The following PDS5A variants were observed in gnomAD, a reference collection of about 807,000 sequenced individuals.
PDS5A encodes the protein sister chromatid cohesion protein PDS5 homolog A.
In PDS5A, 42 loss-of-function variants were observed where a neutral mutation model predicts 167.1. The ratio of observed to expected loss-of-function variants is 0.25; its 90% CI spans 0.20 to 0.33. The LOEUF (loss-of-function observed/expected upper bound fraction) is 0.33, where lower values mean the gene tolerates loss of function less well. Ranked by LOEUF, PDS5A falls within the 10% of genes least tolerant of loss-of-function variation. The pLI is 1.00. For missense variants in PDS5A, 1,033 were observed against 1,605.9 expected, an observed-to-expected ratio of 0.64 and a Z score of 6.10; for synonymous variants, 553 against 554.6, an observed-to-expected ratio of 1.00 and a Z score of 0.04.
chr4:39,885,031 G>A (rs942040052), intron 17 of PDS5A, among the ~76,000 whole-genome samples: 1 of 152,052 alleles, frequency 6.6e-6, no homozygotes, highest in Non-Finnish European at 1.5e-5. Context: ...GGGAGGCCGA[G>A]GTGGGCAGAT....
intron 17 of PDS5A, among the ~76,000 whole-genome samples, chr4:39,885,665 A>G (rs1018797432): frequency 6.6e-6 from 1 of 152,080 alleles, no homozygotes; most frequent in Non-Finnish European, 1.5e-5. Context: ...CTGTAATCCC[A>G]ACACTTTTGG....
At chr4:39,962,935 C>A (rs1467388580) in intron 2 of PDS5A, among the ~76,000 whole-genome samples, 1 of 151,838 alleles carries the variant, frequency 6.6e-6, no homozygotes, top group Non-Finnish European at 1.5e-5. Flanking sequence ...GTGCTACAGC[C>A]TGGGCGACAG....
At chr4:39,869,520 C>T (rs1366934640) in intron 21 of PDS5A, 58 bp from the exon 22 acceptor site, 1 of 1,036,222 alleles carries the variant, frequency 9.7e-7, no homozygotes. Context: ...TATGTTTTTG[C>T]TGATTAAGTT....
intron 12 of PDS5A, among the ~76,000 whole-genome samples, chr4:39,903,437 AGTTT>A (rs917693672): frequency 2.6e-5 from 4 of 152,204 alleles, no homozygotes; most frequent in African/African-American, 9.6e-5. Context: ...CAGAGAAGTT[AGTTT>A]AATTAAACAA....
At chr4:39,896,188 G>A (rs1475218815) in intron 16 of PDS5A, among the ~76,000 whole-genome samples, 5 of 151,894 alleles carry the variant, frequency 3.3e-5, no homozygotes, top group East Asian at 1.9e-4. Context: ...GACTACAGGT[G>A]TGCGCCACCA....
intron 2 of PDS5A, among the ~76,000 whole-genome samples, chr4:39,943,200 A>G (rs1234900513): frequency 6.6e-6 from 1 of 151,814 alleles, no homozygotes; most frequent in Non-Finnish European, 1.5e-5. Flanking sequence ...ATATCTCACA[A>G]TACTAAGTAC....
chr4:39,839,892 A>G (rs143603379), intron 31 of PDS5A, among the ~76,000 whole-genome samples: 16,822 of 151,738 alleles, frequency 0.11, 1,187 homozygotes, highest in Non-Finnish European at 0.16. Context: ...TCAGGAGTTC[A>G]AGACCAGCCT....
At chr4:39,838,246 C>A (rs755956964) in intron 31 of PDS5A, 38 bp from the exon 32 acceptor site, 1 of 1,317,004 alleles carries the variant, frequency 7.6e-7, no homozygotes, top group Admixed American at 2.7e-5. Flanking sequence ...ACACAAATTC[C>A]TTAAATATTA....
At chr4:39,899,159 C>G (rs1325331921) in intron 14 of PDS5A, among the ~76,000 whole-genome samples, 2 of 152,046 alleles carry the variant, frequency 1.3e-5, no homozygotes. Context: ...CTTATCATAT[C>G]AGAATTACTA....
At position 39,822,958 on chromosome 4, in the gene PDS5A, C is replaced by T. The variant is rs1714992099; in HGVS notation, c.*2527G>A. 1 of 152,574 alleles carries T rather than the reference C, an allele frequency of 6.6e-6. No individual in the cohort carries two copies. The highest frequency in any genetic ancestry group is 2.4e-5 in the African/African-American group (1 of 41,434). The allele number at this position is 152,574 out of a possible 1,614,324, so 9.5% of individuals were successfully genotyped here. ...TGTCATTTACACAAATTACAAGGTT[C>T]TGCTTCAAGTTTTTAAAAAAAATTT... On this transcript the variant is annotated 3_prime_UTR_variant, in exon 33 of 33. Transcript: ENST00000303538.
intron 2 of PDS5A, 147 bp downstream of exon 2, chr4:39,976,293 G>A (rs1016396763): frequency 8.9e-6 from 5 of 562,438 alleles, no homozygotes; most frequent in Non-Finnish European, 1.3e-5. Flanking sequence ...CTCACTCAAA[G>A]ATGTTATCTG....
chr4:39,863,407 G>C lies in PDS5A; in HGVS notation c.2695C>G (p.Leu899Val). Residue 899 changes from leucine (L) to valine (V), a missense_variant, in exon 24 of 33, where the codon CTT (leucine) becomes GTT (valine). Leu to Val is a conservative substitution (Grantham distance 32, BLOSUM62 1). This residue lies in a region of PDS5A where 367 missense variants were observed against 686.7 expected (regional missense o/e 0.53). Coordinates refer to ENST00000303538, the MANE Select transcript of PDS5A (RefSeq NM_001100399.2). Reference protein sequence around the residue: ...RLAAGSAIMKLAQEPCYHEII... With the variant: ...RLAAGSAIMKVAQEPCYHEII... ...TCATGGTAACAAGGTTCCTGAGCAA[G>C]CTTCATTATGGCACTACCAGCAGCT... The C allele has an allele frequency of 6.2e-7, 1 of 1,609,400 alleles. No homozygotes were observed. The highest frequency in any genetic ancestry group is 1.1e-5 in the South Asian group (1 of 90,840).
Position 39,867,774 on chromosome 4 carries a change from A to ACACCC in PDS5A, c.2506-778_2506-777insGGGTG, listed in dbSNP as rs369419469. Among the ~76,000 whole-genome samples the ACACCC allele has an allele frequency of 1.1e-4, 12 of 108,596 alleles. 1 individual carries two copies. The highest frequency in any genetic ancestry group is 9.8e-4 in the East Asian group (4 of 4,092). 71.2% of individuals were successfully genotyped at this position (108,596 alleles called of 152,430 possible). ...CACACACACACACACACACACACAC[A>ACACCC]CCCCACAACTGTACTGATTGTGGTG... On this transcript the variant is annotated intron_variant, in intron 22 of 32. Coordinates refer to ENST00000303538, the MANE Select transcript of PDS5A (RefSeq NM_001100399.2).
At chr4:39,868,263 C>T (rs1015233853) in intron 22 of PDS5A, among the ~76,000 whole-genome samples, 15 of 152,170 alleles carry the variant, frequency 9.9e-5, no homozygotes, top group South Asian at 2.1e-4. Flanking sequence ...TGGGCTCAAG[C>T]GATCCTCCTG....
At chr4:39,849,680 G>A in intron 26 of PDS5A, 28 bp from the exon 27 acceptor site, 1 of 1,542,272 alleles carries the variant, frequency 6.5e-7, no homozygotes, top group South Asian at 1.1e-5. Context: ...AAAGAGACTA[G>A]ACGTAGATAG....
chr4:39,830,583 G>A (rs1357473928), intron 32 of PDS5A, among the ~76,000 whole-genome samples: 3 of 151,974 alleles, frequency 2.0e-5, no homozygotes, highest in Admixed American at 1.3e-4. Flanking sequence ...GTGCCACCAC[G>A]CCCAGCTAAT....
At chr4:39,960,114 A>G (rs1729339801) in intron 2 of PDS5A, among the ~76,000 whole-genome samples, 1 of 151,626 alleles carries the variant, frequency 6.6e-6, no homozygotes, top group South Asian at 2.1e-4. Flanking sequence ...CAAGAAAACC[A>G]CAAAAAGTAG....
chr4:39,909,108 C>T (rs982546010), intron 10 of PDS5A, among the ~76,000 whole-genome samples: 1 of 104,518 alleles, frequency 9.6e-6, no homozygotes, highest in Non-Finnish European at 2.4e-5. Context: ...TTCACAGTTA[C>T]ATCTTTTTTT....
intron 2 of PDS5A, among the ~76,000 whole-genome samples, chr4:39,956,825 C>A (rs1728968209): frequency 6.6e-6 from 1 of 151,976 alleles, no homozygotes; most frequent in Non-Finnish European, 1.5e-5. Context: ...GGCGCCTGCA[C>A]CACATCCAGC....
Sources: gnomAD v4.1 joint callset for allele counts (sites outside exome capture counted in the v4.1 genomes callset) on GRCh38, gnomAD v4.1.1 for gene constraint, gnomAD v4.1.1 regional missense constraint, MANE v1.5 for transcripts, NCBI Gene and HGNC (gene_info 2026-07-23, HGNC 2026-07-21) for gene names.